NFU1: variants seen among roughly 807,000 people sequenced by gnomAD.
The protein encoded by NFU1 is NFU1 iron-sulfur cluster scaffold, also known as NFU1 iron-sulfur cluster scaffold homolog, mitochondrial.
NFU1 carries 30 observed loss-of-function variants against 32.2 expected under a neutral mutation model. The ratio of observed to expected loss-of-function variants is 0.93; its 90% CI spans 0.70 to 1.26. The LOEUF (loss-of-function observed/expected upper bound fraction) is 1.26, where lower values mean the gene tolerates loss of function less well. NFU1 is among the 50% of genes most tolerant of loss of function. The pLI is 0.00. For synonymous variants in NFU1, 112 were observed against 104.6 expected (o/e 1.07, Z -0.43); for missense variants, 306 against 306.6 (o/e 1.00, Z 0.02).
chr2:69,437,728 G>A, upstream of NFU1: 1 of 512,666 alleles, frequency 2.0e-6, no homozygotes, highest in Non-Finnish European at 3.6e-6. Context: ...TGGTGCTGGT[G>A]CTGCCTTGCG....
chr2:69,432,503 G>A (rs1344826615), intron 1 of NFU1, among the ~76,000 whole-genome samples: 4 of 152,006 alleles, frequency 2.6e-5, no homozygotes, highest in African/African-American at 4.8e-5. Flanking sequence ...GAACCCAGGA[G>A]GCAGAGGTTG....
intron 5 of NFU1, among the ~76,000 whole-genome samples, chr2:69,408,769 T>C (rs867364248): frequency 0.021 from 2,828 of 133,312 alleles, 23 homozygotes; most frequent in Middle Eastern, 0.024. Flanking sequence ...TATATATATA[T>C]ACACACACAC....
At chr2:69,424,132 A>G (rs887661551) in intron 2 of NFU1, among the ~76,000 whole-genome samples, 3 of 125,766 alleles carry the variant, frequency 2.4e-5, no homozygotes, top group Non-Finnish European at 4.8e-5. Flanking sequence ...AGATTGCACC[A>G]CTGCACTCCA....
intron 5 of NFU1, among the ~76,000 whole-genome samples, chr2:69,407,309 T>C (rs1035378324): frequency 2.0e-5 from 3 of 152,072 alleles, no homozygotes; most frequent in Non-Finnish European, 2.9e-5. Flanking sequence ...ACCAAAAATA[T>C]GGAGATTTCA....
At chr2:69,408,749 T>A in intron 5 of NFU1, among the ~76,000 whole-genome samples, 1 of 18,694 alleles carries the variant, frequency 5.3e-5, no homozygotes, top group African/African-American at 1.4e-3. Context: ...TATATATATA[T>A]ATATATATAT....
chr2:69,399,219 A>C (rs1310138451), intron 7 of NFU1: 1 of 316,230 alleles, frequency 3.2e-6, no homozygotes, highest in African/African-American at 2.3e-5. Flanking sequence ...CCAAAAAAAA[A>C]AAAAAAAAGA....
chr2:69,424,198 A>AAATAT (rs1558840147), intron 2 of NFU1, among the ~76,000 whole-genome samples: 3 of 74,544 alleles, frequency 4.0e-5, no homozygotes, highest in African/African-American at 1.6e-4. Flanking sequence ...AAAAAAAAAA[A>AAATAT]ATATATATAT....
At chr2:69,418,667 C>T (rs1217069637) in intron 4 of NFU1, among the ~76,000 whole-genome samples, 1 of 151,780 alleles carries the variant, frequency 6.6e-6, no homozygotes, top group East Asian at 2.0e-4. Context: ...GACGGGGTTT[C>T]ACCATGTTAG....
intron 1 of NFU1, among the ~76,000 whole-genome samples, chr2:69,434,645 C>G (rs1264990832): frequency 3.3e-5 from 5 of 152,176 alleles, no homozygotes; most frequent in African/African-American, 9.7e-5. Flanking sequence ...TATCCATTAC[C>G]ACTGCCACTT....
intron 5 of NFU1, among the ~76,000 whole-genome samples, chr2:69,414,571 T>A (rs1008606264): frequency 7.0e-6 from 1 of 142,138 alleles, no homozygotes; most frequent in Non-Finnish European, 1.5e-5. Flanking sequence ...TGAGCCAACA[T>A]TGCGTCACTG....
At chr2:69,408,734 TTATATATATA>T (rs70954344) in intron 5 of NFU1, among the ~76,000 whole-genome samples, 75 of 136,432 alleles carry the variant, frequency 5.5e-4, no homozygotes, top group African/African-American at 1.1e-3. Flanking sequence ...ATATAAAATT[TTATATATATA>T]TATATATATA....
chr2:69,428,973 A>G (rs1673551624), intron 2 of NFU1, among the ~76,000 whole-genome samples: 1 of 152,180 alleles, frequency 6.6e-6, no homozygotes, highest in Admixed American at 6.5e-5. Context: ...ACTCCCATAC[A>G]TTTTGTTTAA....
At chr2:69,437,962 C>G (rs1673915156), upstream of NFU1, among the ~76,000 whole-genome samples, 1 of 152,192 alleles carries the variant, frequency 6.6e-6, no homozygotes, top group African/African-American at 2.4e-5. Context: ...TGGACCAACC[C>G]GCACAGAGGA....
Position 69,415,299 on chromosome 2 carries a change from C to G in NFU1, c.370G>C (p.Glu124Gln). 1 of 1,557,524 alleles carries G rather than the reference C, an allele frequency of 6.4e-7. No homozygotes were observed. Among genetic ancestry groups the G allele is most frequent in the Non-Finnish European group, 8.9e-7 (1 of 1,129,364 alleles). The change falls in exon 5 of 8, where the codon GAA becomes CAA. Residue 124 changes from glutamate to glutamine, a missense_variant and splice_region_variant. Glu to Gln is a conservative substitution (Grantham distance 29, BLOSUM62 2). Coordinates refer to ENST00000410022, the MANE Select transcript of NFU1 (RefSeq NM_001002755.4). ...FGPDFITVTK[E>Q]NEELDWNLLK... ...AAATTCCAGTCTAATTCTTCATTTT[C>G]CTATAAACATTTAAAGGAAAATGCT...
At chr2:69,431,693 G>C (rs1673642735) in intron 2 of NFU1, among the ~76,000 whole-genome samples, 2 of 152,134 alleles carry the variant, frequency 1.3e-5, no homozygotes, top group East Asian at 3.8e-4. Context: ...ACAACATACT[G>C]AGATTTCATA....
At chr2:69,412,458 C>G (rs142395618) in intron 5 of NFU1, among the ~76,000 whole-genome samples, 1,740 of 151,854 alleles carry the variant, frequency 0.011, 32 homozygotes, top group African/African-American at 0.04. Context: ...ATGATCTCAG[C>G]TCACTGCAAC....
At chr2:69,404,806 G>C (rs1672645175) in intron 6 of NFU1, among the ~76,000 whole-genome samples, 1 of 150,988 alleles carries the variant, frequency 6.6e-6, no homozygotes, top group Non-Finnish European at 1.5e-5. Context: ...TCTTAGTAGA[G>C]ATGGGGTTTC....
At chr2:69,397,607 GTTT>G (rs892777740) in intron 7 of NFU1, among the ~76,000 whole-genome samples, 128 of 90,322 alleles carry the variant, frequency 1.4e-3, no homozygotes, top group East Asian at 7.9e-3. Flanking sequence ...ACAAAGTAAG[GTTT>G]TTTTTTTTAA....
At chr2:69,425,549 T>G (rs1006936720) in intron 2 of NFU1, among the ~76,000 whole-genome samples, 3 of 150,826 alleles carry the variant, frequency 2.0e-5, no homozygotes, top group African/African-American at 7.3e-5. Context: ...GAGACAGGGT[T>G]TCACCATGTT....
Sources: gnomAD v4.1 joint callset for allele counts (sites outside exome capture counted in the v4.1 genomes callset) on GRCh38, gnomAD v4.1.1 for gene constraint, MANE v1.5 for transcripts, NCBI Gene and HGNC (gene_info 2026-07-23, HGNC 2026-07-21) for gene names.